The following MRC1 variants were observed in gnomAD, a reference collection of about 807,000 sequenced individuals.
MRC1 encodes mannose receptor C-type 1, also known as macrophage mannose receptor 1.
A neutral mutation model predicts 102.9 loss-of-function variants in MRC1; 62 were observed. That is an observed-to-expected ratio of 0.60 (90% CI 0.49 to 0.74). The LOEUF (loss-of-function observed/expected upper bound fraction) is 0.74, where lower values mean the gene tolerates loss of function less well. MRC1 is among the 30% of genes least tolerant of loss of function. The probability of loss-of-function intolerance (pLI) is 0.00; values close to 1 mark genes in which losing one functional copy is unlikely to be tolerated. For synonymous variants in MRC1, 457 were observed against 298.4 expected (o/e 1.53, Z -5.48); for missense variants, 1,237 against 862.8 (o/e 1.43, Z -5.43).
At chr10:17,853,967 GT>G (rs1470773332) in intron 8 of MRC1, among the ~76,000 whole-genome samples, 4 of 151,612 alleles carry the variant, frequency 2.6e-5, no homozygotes, top group African/African-American at 2.4e-5. Context: ...TGTTGTTGTT[GT>G]TTGTTTGTTT....
chr10:17,836,340 A>G (rs1359266145), intron 4 of MRC1, among the ~76,000 whole-genome samples: 1 of 152,206 alleles, frequency 6.6e-6, no homozygotes, highest in African/African-American at 2.4e-5. Context: ...TCTGTTTTGC[A>G]TTAGCCTTTG....
At chr10:17,811,577 T>C (rs1019435536) in intron 1 of MRC1, among the ~76,000 whole-genome samples, 3 of 152,062 alleles carry the variant, frequency 2.0e-5, no homozygotes. Flanking sequence ...TGTTTTGTTT[T>C]TTGAGACTGG....
intron 5 of MRC1, among the ~76,000 whole-genome samples, 184 bp downstream of exon 5, chr10:17,840,990 C>T (rs1838741348): frequency 6.6e-6 from 1 of 152,134 alleles, no homozygotes; most frequent in South Asian, 2.1e-4. Flanking sequence ...TAAGGTTATA[C>T]CAGCTTCCTG....
At chr10:17,832,425 T>G (rs1465085247) in intron 3 of MRC1, among the ~76,000 whole-genome samples, 16 of 149,422 alleles carry the variant, frequency 1.1e-4, no homozygotes, top group East Asian at 4.1e-4. Flanking sequence ...CGTGGCGGCG[T>G]GTGCCTGTCG....
In MRC1 at chr10:17,870,385, T is replaced by C; in HGVS notation, c.2111+12T>C. ...TGGCGATTAATAACGTAAGTGGTAT[T>C]TTTATGGATTCCTCCTTTTTGTTAT... On this transcript the variant is annotated intron_variant, in intron 13 of 29. Coordinates refer to ENST00000569591, the MANE Select transcript of MRC1 (RefSeq NM_002438.4). 1.3e-6 allele frequency: 1 copy of C among 780,212 alleles called. No homozygotes were observed. The highest frequency in any genetic ancestry group is 2.4e-6 in the Non-Finnish European group (1 of 417,548). The allele number at this position is 780,212 out of a possible 1,614,324, so 48.3% of individuals were successfully genotyped here.
chr10:17,837,864 G>A (rs1838693146), intron 4 of MRC1, among the ~76,000 whole-genome samples: 1 of 152,080 alleles, frequency 6.6e-6, no homozygotes, highest in South Asian at 2.1e-4. Context: ...GCCTACCAAA[G>A]TGCTGGGATT....
At chr10:17,900,097 C>CAAAAA (rs1156472499) in intron 24 of MRC1, among the ~76,000 whole-genome samples, 10 of 106,652 alleles carry the variant, frequency 9.4e-5, no homozygotes, top group Admixed American at 2.0e-4. Flanking sequence ...AGACTTCTCT[C>CAAAAA]AAAAAAAAAA....
rs1554842398 is a variant in MRC1 at position 17,881,137 on chromosome 10, G to T, written c.2936G>T (p.Gly979Val). 2 of 780,754 alleles carry T rather than the reference G, an allele frequency of 2.6e-6. No homozygotes were observed. Among genetic ancestry groups the T allele is most frequent in the Non-Finnish European group, 4.8e-6 (2 of 417,940 alleles). The allele number at this position is 780,754 out of a possible 1,614,324, so 48.4% of individuals were successfully genotyped here. A position where few individuals can be genotyped will look rare whatever the true frequency, so the allele number is the denominator to read the frequency against. The part of the protein sequence containing the change: ...NWQEARKACI[G>V]FGGNLVSIQN... ...CAAGAGGCACGAAAAGCTTGTATAG[G>T]CTTTGGAGGGAATCTGGTCTCCATA... The change falls in exon 21 of 30, where the codon GGC (glycine) becomes GTC (valine). Residue 979 changes from glycine (G) to valine (V), a missense_variant. Coordinates refer to ENST00000569591, the MANE Select transcript of MRC1 (RefSeq NM_002438.4).
At chr10:17,885,518 G>T in intron 22 of MRC1, 83 bp downstream of exon 22, 2 of 747,002 alleles carry the variant, frequency 2.7e-6, no homozygotes, top group South Asian at 1.5e-5. Context: ...TTCCATGAAA[G>T]AATCTACCAG....
intron 3 of MRC1, among the ~76,000 whole-genome samples, chr10:17,832,128 G>T (rs1183103479): frequency 6.6e-6 from 1 of 151,598 alleles, no homozygotes; most frequent in Non-Finnish European, 1.5e-5. Context: ...GTCTGCAGGA[G>T]TCCGTGACCT....
chr10:17,857,198 AT>A (rs1362984361), intron 9 of MRC1, among the ~76,000 whole-genome samples: 2 of 152,212 alleles, frequency 1.3e-5, no homozygotes, highest in East Asian at 3.8e-4. Context: ...GACCTGGGTG[AT>A]TTCACAGTTC....
chr10:17,903,040 A>G (rs1278566808), intron 26 of MRC1, among the ~76,000 whole-genome samples: 2 of 152,182 alleles, frequency 1.3e-5, no homozygotes, highest in African/African-American at 2.4e-5. Context: ...ATATTTGTGT[A>G]GCCACTCCAG....
intron 20 of MRC1, 41 bp from the exon 21 acceptor site, chr10:17,881,026 C>G (rs1432555823): frequency 1.3e-6 from 1 of 779,504 alleles, no homozygotes; most frequent in African/African-American, 1.7e-5. Context: ...TAGTTAACCC[C>G]TGCAGTTTTT....
Position 17,827,641 on chromosome 10 carries a change from C to T in MRC1, c.563C>T (p.Ser188Leu), listed in dbSNP as rs985557144. 4.0e-5 allele frequency: 31 copies of T among 780,684 alleles called. No individual in the cohort carries two copies. Among genetic ancestry groups the T allele is most frequent in the Admixed American group, 6.8e-5 (4 of 59,000 alleles). The allele number at this position is 780,684 out of a possible 1,614,324, so 48.4% of individuals were successfully genotyped here. Reference protein sequence around the residue: ...WYADCTSAGRSDGWLWCGTTT... With the variant: ...WYADCTSAGRLDGWLWCGTTT... ...GCAGATTGCACGAGTGCTGGGCGGTCGGATGGATGGCTCTGGTGCGGAACC... is the reference window on the plus strand; with the variant it reads ...GCAGATTGCACGAGTGCTGGGCGGTTGGATGGATGGCTCTGGTGCGGAACC... The change falls in exon 3 of 30, where the codon TCG (serine) becomes TTG (leucine). Residue 188 changes from serine (S) to leucine (L), a missense_variant. Coordinates refer to ENST00000569591, the MANE Select transcript of MRC1 (RefSeq NM_002438.4).
chr10:17,880,031 T>C (rs766853), intron 19 of MRC1, among the ~76,000 whole-genome samples: 6,789 of 152,302 alleles, frequency 0.045, 152 homozygotes, highest in Middle Eastern at 0.071. Flanking sequence ...GTTAATCTTC[T>C]CACTTCTTCC....
chr10:17,848,696 C>T (rs1186143853), intron 6 of MRC1, among the ~76,000 whole-genome samples: 1 of 152,234 alleles, frequency 6.6e-6, no homozygotes, highest in African/African-American at 2.4e-5. Context: ...TATATGGGTA[C>T]TCCTTTTCAT....
chr10:17,828,805 CA>C (rs1429398897), intron 3 of MRC1, among the ~76,000 whole-genome samples: 1 of 151,426 alleles, frequency 6.6e-6, no homozygotes, highest in Non-Finnish European at 1.5e-5. Flanking sequence ...GGGAAAGCAC[CA>C]GAACAGATGA....
chr10:17,834,147 G>C (rs1039336552), intron 4 of MRC1, among the ~76,000 whole-genome samples: 1 of 152,166 alleles, frequency 6.6e-6, no homozygotes. Context: ...TGGACGCAAG[G>C]CAGTGGAACA....
intron 12 of MRC1, among the ~76,000 whole-genome samples, chr10:17,867,397 C>CCTT (rs1191677622): frequency 1.6e-5 from 2 of 122,034 alleles, no homozygotes; most frequent in African/African-American, 3.3e-5. Context: ...TCCTTCTTCT[C>CCTT]CTTCTTCTTC....
Sources: gnomAD v4.1 joint callset for allele counts (sites outside exome capture counted in the v4.1 genomes callset) on GRCh38, gnomAD v4.1.1 for gene constraint, MANE v1.5 for transcripts, NCBI Gene and HGNC (gene_info 2026-07-23, HGNC 2026-07-21) for gene names.